The following ARHGAP22 variants were observed in gnomAD, a reference collection of about 807,000 sequenced individuals.
ARHGAP22 encodes the protein rho GTPase-activating protein 22.
Under a neutral mutation model 59.1 loss-of-function variants are expected in ARHGAP22, and 48 were observed. That is an observed-to-expected ratio of 0.81 (90% CI 0.64 to 1.03). The LOEUF (loss-of-function observed/expected upper bound fraction) is 1.03, where lower values mean the gene tolerates loss of function less well. Among genes scored for constraint, ARHGAP22 ranks in the 50% least tolerant of loss-of-function variants. ARHGAP22 has a pLI of 0.00. For missense variants in ARHGAP22, 1,015 were observed against 958.7 expected (o/e 1.06, Z -0.78); for synonymous variants, 445 against 416.4 (o/e 1.07, Z -0.84).
chr10:48,472,685 G>A (rs555926085), intron 4 of ARHGAP22, among the ~76,000 whole-genome samples: 13 of 152,084 alleles, frequency 8.5e-5, no homozygotes, highest in Non-Finnish European at 1.6e-4. Flanking sequence ...CACATCAGAT[G>A]TTCTGCTTTT....
At chr10:48,598,983 G>T (rs765216709) in intron 1 of ARHGAP22, among the ~76,000 whole-genome samples, 3 of 152,192 alleles carry the variant, frequency 2.0e-5, no homozygotes, top group Non-Finnish European at 4.4e-5. Context: ...TGGCTGGCAA[G>T]TTCTTTATCC....
In ARHGAP22 at chr10:48,583,025, C is replaced by T. The variant is rs77031687; in HGVS notation, c.162G>A (p.Trp54Ter). ...LKKQRSIMKN[W>*]QQRWFVLRGD... ...CACGCAGCACAAACCAGCGCTGCTG[C>T]CAGTTCTTCATGATGCTCCTCTGCT... The change falls in exon 2 of 10, where the codon TGG becomes TGA. Residue 54 changes from tryptophan (W) to a stop codon, truncating the protein, a stop_gained. Transcript: ENST00000249601. LOFTEE classifies it high-confidence loss of function. The T allele has an allele frequency of 4.3e-6, 7 of 1,614,282 alleles. No homozygotes were observed. Among genetic ancestry groups the T allele is most frequent in the Non-Finnish European group, 5.9e-6 (7 of 1,180,050 alleles).
chr10:48,451,942 C>G (rs972210139), intron 8 of ARHGAP22, among the ~76,000 whole-genome samples: 2 of 147,772 alleles, frequency 1.4e-5, no homozygotes, highest in South Asian at 4.3e-4. Context: ...ATGAACCCCA[C>G]CCACTGCCCA....
intron 3 of ARHGAP22, among the ~76,000 whole-genome samples, chr10:48,533,106 G>C (rs2055013291): frequency 6.6e-6 from 1 of 151,700 alleles, no homozygotes; most frequent in Admixed American, 6.6e-5. Flanking sequence ...ATATTAACAA[G>C]AACCCCTGTC....
chr10:48,460,664 T>C (rs1043707172), intron 4 of ARHGAP22, among the ~76,000 whole-genome samples: 1 of 152,250 alleles, frequency 6.6e-6, no homozygotes, highest in African/African-American at 2.4e-5. Context: ...CTCAAAGAGA[T>C]ACTTGCACAC....
chr10:48,470,696 G>A (rs765743644), intron 4 of ARHGAP22, among the ~76,000 whole-genome samples: 2 of 152,212 alleles, frequency 1.3e-5, no homozygotes, highest in Non-Finnish European at 2.9e-5. Flanking sequence ...TGCTGGCTTA[G>A]TGACCTGAGG....
At chr10:48,592,545 G>C (rs1339796265) in intron 1 of ARHGAP22, among the ~76,000 whole-genome samples, 1 of 152,106 alleles carries the variant, frequency 6.6e-6, no homozygotes, top group Non-Finnish European at 1.5e-5. Flanking sequence ...TCCCTCACCG[G>C]CTGTCACTCC....
intron 6 of ARHGAP22, among the ~76,000 whole-genome samples, chr10:48,454,563 G>A (rs761863430): frequency 1.8e-4 from 27 of 152,192 alleles, no homozygotes; most frequent in Admixed American, 1.1e-3. Context: ...GGGTGGGGAC[G>A]GGAGGGCTGG....
rs551994447 is a variant in ARHGAP22, at chr10:48,463,577, C to T, written c.452-3686G>A. ...GCATGAATCCGTCTGCCTTCATGGGCCTGTGAGTGGGTAGGGCCTTCTCCC... is the reference window on the plus strand; with the variant it reads ...GCATGAATCCGTCTGCCTTCATGGGTCTGTGAGTGGGTAGGGCCTTCTCCC... On this transcript the variant is annotated intron_variant, in intron 4 of 9. Transcript: ENST00000249601. 1.5e-3 allele frequency among the ~76,000 whole-genome samples: 226 copies of T among 152,280 alleles called. 1 individual carries two copies. Among genetic ancestry groups the T allele is most frequent in the African/African-American group, 5.3e-3 (220 of 41,562 alleles).
At chr10:48,495,342 C>T (rs1228143257) in intron 3 of ARHGAP22, among the ~76,000 whole-genome samples, 1 of 152,142 alleles carries the variant, frequency 6.6e-6, no homozygotes, top group African/African-American at 2.4e-5. Context: ...ATCTCGATGT[C>T]CTCACAACCA....
intron 4 of ARHGAP22, among the ~76,000 whole-genome samples, chr10:48,470,340 G>T (rs934227831): frequency 5.9e-5 from 9 of 152,216 alleles, no homozygotes; most frequent in Non-Finnish European, 1.2e-4. Flanking sequence ...GCTCTCCCTA[G>T]ATAAGGCAGC....
intron 2 of ARHGAP22, among the ~76,000 whole-genome samples, chr10:48,561,065 C>G (rs1211922265): frequency 6.6e-6 from 1 of 151,988 alleles, no homozygotes; most frequent in Non-Finnish European, 1.5e-5. Flanking sequence ...AGTTGGAGTT[C>G]TAATACTACT....
At chr10:48,596,133 G>A (rs1466466887) in intron 1 of ARHGAP22, among the ~76,000 whole-genome samples, 2 of 152,190 alleles carry the variant, frequency 1.3e-5, no homozygotes, top group Non-Finnish European at 2.9e-5. Context: ...TCCTGGCTCA[G>A]CTGAGGCTGG....
At chr10:48,496,603 C>T (rs887315249) in intron 3 of ARHGAP22, among the ~76,000 whole-genome samples, 12 of 152,144 alleles carry the variant, frequency 7.9e-5, no homozygotes, top group African/African-American at 2.4e-4. Context: ...GCTGCTGGGA[C>T]CTGACCTCCT....
At chr10:48,554,046 C>T (rs995382164) in intron 3 of ARHGAP22, among the ~76,000 whole-genome samples, 2 of 152,252 alleles carry the variant, frequency 1.3e-5, no homozygotes, top group African/African-American at 2.4e-5. Context: ...CTGTTTTCTA[C>T]TCCATACCCC....
chr10:48,480,220 C>T (rs1049106988), intron 3 of ARHGAP22, among the ~76,000 whole-genome samples: 13 of 152,048 alleles, frequency 8.5e-5, no homozygotes, highest in Admixed American at 3.9e-4. Context: ...CAAGAGTCTC[C>T]GTATATATTA....
intron 3 of ARHGAP22, among the ~76,000 whole-genome samples, chr10:48,507,889 C>T (rs1330823161): frequency 3.9e-5 from 4 of 103,646 alleles, no homozygotes; most frequent in Non-Finnish European, 3.6e-5. Context: ...AACTGAGGCT[C>T]GGAAATACTG....
At position 48,455,138 on chromosome 10, in the gene ARHGAP22, T is replaced by TG. The variant is rs769648611; in HGVS notation, c.660-5dup. 42 of 1,603,820 alleles carry TG rather than the reference T, an allele frequency of 2.6e-5. No individual in the cohort carries two copies. The highest frequency in any genetic ancestry group is 1.6e-4 in the African/African-American group (12 of 74,750). ...CACCGTGTGCACGTCTGTTGTGCTG[T>TG]GGGGGGGAAGAGGACAGGTGTGTGA... On this transcript the variant is annotated splice_polypyrimidine_tract_variant and splice_region_variant and intron_variant, in intron 5 of 9. Transcript: ENST00000249601.
At chr10:48,530,578 A>C (rs2054746420) in intron 3 of ARHGAP22, among the ~76,000 whole-genome samples, 1 of 152,074 alleles carries the variant, frequency 6.6e-6, no homozygotes, top group South Asian at 2.1e-4. Flanking sequence ...ACAAGAAGAA[A>C]ACAAACAATC....
Sources: allele counts gnomAD v4.1 joint callset (sites outside exome capture counted in the v4.1 genomes callset), GRCh38; gene constraint gnomAD v4.1.1; transcripts MANE v1.5; gene names NCBI Gene and HGNC (gene_info 2026-07-23, HGNC 2026-07-21).